Variants in SCARA5 observed in about 807,000 individuals in gnomAD.
SCARA5 encodes scavenger receptor class A member 5.
A neutral mutation model predicts 46.3 loss-of-function variants in SCARA5; 45 were observed. The observed-to-expected ratio is 0.97, with a 90% CI of 0.76 to 1.24. The LOEUF is 1.24. SCARA5 is among the 50% of genes most tolerant of loss of function. SCARA5 has a pLI of 0.00. For synonymous variants in SCARA5, 333 were observed against 306.5 expected, an observed-to-expected ratio of 1.09 and a Z score of -0.90; for missense variants, 680 against 689.0, an observed-to-expected ratio of 0.99 and a Z score of 0.15.
At position 27,902,187 on chromosome 8, in the gene SCARA5, G is replaced by A. The variant is rs546056666; in HGVS notation, c.1153+2591C>T. On this transcript the variant is annotated intron_variant, in intron 7 of 8. Coordinates refer to ENST00000354914, the MANE Select transcript of SCARA5 (RefSeq NM_173833.6). ...CTGGGTTCTGTCTGAGTTCTGGGCT[G>A]CAATGAGGGTGTAGCTCTTCGAGGC... Among the ~76,000 whole-genome samples, 5 of 152,296 alleles carry A rather than the reference G, an allele frequency of 3.3e-5. No individual in the cohort carries two copies. In the South Asian group the frequency reaches 1.0e-3, roughly 32 times the overall value.
At chr8:27,907,531 C>A (rs1266425647) in intron 5 of SCARA5, among the ~76,000 whole-genome samples, 2 of 150,598 alleles carry the variant, frequency 1.3e-5, no homozygotes, top group Non-Finnish European at 2.9e-5. Context: ...GGGGGTGTCC[C>A]TTTGCCCTTC....
chr8:27,953,459 A>C (rs1005745044), intron 3 of SCARA5, among the ~76,000 whole-genome samples: 1 of 152,256 alleles, frequency 6.6e-6, no homozygotes, highest in Non-Finnish European at 1.5e-5. Flanking sequence ...CAGTTTAAAC[A>C]ATGATGGTAA....
intron 4 of SCARA5, among the ~76,000 whole-genome samples, chr8:27,910,736 C>T (rs538005738): frequency 6.8e-4 from 103 of 152,308 alleles, no homozygotes; most frequent in African/African-American, 2.5e-3. Context: ...GTAGAAGAGA[C>T]TGACTTTGGT....
chr8:27,965,373 A>G (rs1398922027), intron 3 of SCARA5, among the ~76,000 whole-genome samples: 1 of 152,212 alleles, frequency 6.6e-6, no homozygotes, highest in Non-Finnish European at 1.5e-5. Flanking sequence ...GCTCCAAGTC[A>G]GCTCGGCCTG....
chr8:27,967,519 G>C (rs774960643), intron 2 of SCARA5, among the ~76,000 whole-genome samples: 5 of 152,112 alleles, frequency 3.3e-5, no homozygotes, highest in African/African-American at 7.2e-5. Context: ...TGGGGGCGGC[G>C]GGGGGACGGC....
chr8:27,981,555 A>G (rs1054114545), intron 2 of SCARA5, among the ~76,000 whole-genome samples: 5 of 152,196 alleles, frequency 3.3e-5, no homozygotes, highest in Admixed American at 6.5e-5. Context: ...AGTAAAGAAC[A>G]GTGTACGGCA....
chr8:27,946,348 T>G (rs1180680427), intron 3 of SCARA5, among the ~76,000 whole-genome samples: 1 of 152,194 alleles, frequency 6.6e-6, no homozygotes, highest in Non-Finnish European at 1.5e-5. Flanking sequence ...GAATTATGAG[T>G]GCAGCCTTCT....
chr8:27,971,531 C>T (rs1433387912), intron 2 of SCARA5, among the ~76,000 whole-genome samples: 1 of 152,220 alleles, frequency 6.6e-6, no homozygotes. Context: ...CAAGCACACA[C>T]AAGACCAGAG....
chr8:27,976,713 ACT>A (rs1324941148), intron 2 of SCARA5, among the ~76,000 whole-genome samples: 8 of 152,262 alleles, frequency 5.3e-5, no homozygotes, highest in Non-Finnish European at 1.2e-4. Context: ...CTTGTAGAGG[ACT>A]GAGTCATCCG....
At chr8:27,961,849 A>G (rs1808299126) in intron 3 of SCARA5, among the ~76,000 whole-genome samples, 1 of 152,222 alleles carries the variant, frequency 6.6e-6, no homozygotes, top group African/African-American at 2.4e-5. Context: ...TCAATTAGGT[A>G]CTTGGTTAAA....
intron 4 of SCARA5, among the ~76,000 whole-genome samples, chr8:27,918,049 T>C (rs1482747729): frequency 1.3e-5 from 2 of 152,230 alleles, no homozygotes; most frequent in Non-Finnish European, 2.9e-5. Context: ...GCACTCTTAA[T>C]GCTGGGGGAC....
intron 3 of SCARA5, among the ~76,000 whole-genome samples, chr8:27,927,481 T>A (rs544266712): frequency 4.0e-4 from 61 of 152,350 alleles, no homozygotes; most frequent in African/African-American, 1.4e-3. Context: ...ATCTTTATAA[T>A]TTGATTTCTG....
chr8:27,888,060 C>T (rs752481384), intron 7 of SCARA5, among the ~76,000 whole-genome samples: 5 of 151,734 alleles, frequency 3.3e-5, no homozygotes, highest in East Asian at 2.0e-4. Flanking sequence ...CTCTGATTGA[C>T]GGACTTTTTT....
intron 4 of SCARA5, among the ~76,000 whole-genome samples, chr8:27,921,074 T>C (rs1807575846): frequency 1.3e-5 from 2 of 152,356 alleles, no homozygotes; most frequent in South Asian, 4.1e-4. Flanking sequence ...ATACGTTCTT[T>C]TGCCTAAATG....
intron 3 of SCARA5, among the ~76,000 whole-genome samples, chr8:27,958,042 G>A (rs186711719): frequency 5.7e-4 from 87 of 152,360 alleles, no homozygotes; most frequent in South Asian, 1.7e-3. Flanking sequence ...GTGGTGGCTG[G>A]ATTTGGCTCT....
intron 7 of SCARA5, among the ~76,000 whole-genome samples, chr8:27,889,273 G>A (rs912102967): frequency 5.9e-5 from 9 of 152,230 alleles, no homozygotes; most frequent in Non-Finnish European, 8.8e-5. Flanking sequence ...TAGCTTAGTT[G>A]TCGGCAACAG....
intron 7 of SCARA5, among the ~76,000 whole-genome samples, chr8:27,902,911 G>A (rs1807180927): frequency 2.0e-5 from 3 of 152,172 alleles, no homozygotes; most frequent in Non-Finnish European, 2.9e-5. Flanking sequence ...GTGGACTTTA[G>A]CACTTCAGGT....
intron 4 of SCARA5, among the ~76,000 whole-genome samples, chr8:27,911,027 G>C (rs1807365727): frequency 6.6e-6 from 1 of 152,204 alleles, no homozygotes; most frequent in Non-Finnish European, 1.5e-5. Context: ...CACAGGGCTA[G>C]ACATCTCATC....
At chr8:27,973,708 C>T (rs1808479955) in intron 2 of SCARA5, among the ~76,000 whole-genome samples, 1 of 152,140 alleles carries the variant, frequency 6.6e-6, no homozygotes, top group Non-Finnish European at 1.5e-5. Context: ...AATCACAGAT[C>T]CATGGCACGG....
Sources: allele counts gnomAD v4.1 joint callset (sites outside exome capture counted in the v4.1 genomes callset), GRCh38; gene constraint gnomAD v4.1.1; transcripts MANE v1.5; gene names NCBI Gene and HGNC (gene_info 2026-07-23, HGNC 2026-07-21).